Variants in CPNE4 observed in about 807,000 individuals in gnomAD.
The protein encoded by CPNE4 is copine-4.
In CPNE4, 25 loss-of-function variants were observed where a neutral mutation model predicts 67.9. The ratio of observed to expected loss-of-function variants is 0.37; its 90% confidence interval spans 0.27 to 0.51. CPNE4 has a LOEUF of 0.51. Ranked by LOEUF, CPNE4 falls within the 20% of genes least tolerant of loss-of-function variation. CPNE4 has a pLI of 0.93. For synonymous variants in CPNE4, 242 were observed against 244.9 expected (o/e 0.99, Z 0.11); for missense variants, 464 against 690.8 (o/e 0.67, Z 3.68).
At chr3:131,930,878 G>A (rs1231429923) in intron 1 of CPNE4, among the ~76,000 whole-genome samples, 1 of 152,048 alleles carries the variant, frequency 6.6e-6, no homozygotes, top group Non-Finnish European at 1.5e-5. Context: ...TTCAGAAACA[G>A]GTACTTTCAA....
In CPNE4 at chr3:131,534,160, C is replaced by A. The variant is rs370779650; in HGVS notation, c.*1035G>T. 1.3e-5 allele frequency: 2 copies of A among 152,186 alleles called. No individual in the cohort carries two copies. Among genetic ancestry groups the A allele is most frequent in the Admixed American group, 6.5e-5 (1 of 15,268 alleles). The allele number at this position is 152,186 out of a possible 1,614,324, so 9.4% of individuals were successfully genotyped here. ...ATCACTTCTAGGGATTGACACCATC[C>A]ATGCAGTGGTGTGTGATGCCACTTT... On this transcript the variant is annotated 3_prime_UTR_variant, in exon 16 of 16. Coordinates refer to ENST00000429747, the MANE Select transcript of CPNE4 (RefSeq NM_130808.3).
At chr3:131,746,608 C>CT (rs1173725968) in intron 2 of CPNE4, among the ~76,000 whole-genome samples, 1 of 152,074 alleles carries the variant, frequency 6.6e-6, no homozygotes, top group Non-Finnish European at 1.5e-5. Flanking sequence ...GAAATTCATT[C>CT]TTTTTATGGC....
intron 15 of CPNE4, among the ~76,000 whole-genome samples, chr3:131,538,180 T>G (rs1935272784): frequency 6.6e-6 from 1 of 152,272 alleles, no homozygotes; most frequent in Non-Finnish European, 1.5e-5. Flanking sequence ...GATCTTCCTC[T>G]GATGATGGTA....
intron 3 of CPNE4, among the ~76,000 whole-genome samples, chr3:131,709,452 A>G (rs1402237370): frequency 6.6e-6 from 1 of 152,174 alleles, no homozygotes; most frequent in Admixed American, 6.5e-5. Context: ...AATCATTTAA[A>G]TGCCCTATCC....
chr3:131,851,005 A>T (rs2086218744), intron 2 of CPNE4, among the ~76,000 whole-genome samples: 1 of 152,134 alleles, frequency 6.6e-6, no homozygotes, highest in Admixed American at 6.6e-5. Context: ...GTACAAGACA[A>T]CATAAGAACC....
intron 7 of CPNE4, among the ~76,000 whole-genome samples, chr3:131,596,178 T>C (rs951349909): frequency 2.1e-5 from 3 of 142,146 alleles, no homozygotes; most frequent in Non-Finnish European, 4.6e-5. Context: ...ATAAGTAAAT[T>C]GATGCAAGGA....
chr3:131,808,267 T>C (rs2084394291), intron 2 of CPNE4, among the ~76,000 whole-genome samples: 1 of 152,200 alleles, frequency 6.6e-6, no homozygotes. Context: ...TTAACAGAAT[T>C]AGACTGAAAA....
chr3:131,685,804 G>T, intron 6 of CPNE4, 71 bp downstream of exon 6: 1 of 1,006,978 alleles, frequency 9.9e-7, no homozygotes, highest in South Asian at 1.5e-5. Context: ...ACACAAAAAG[G>T]AGTTTCTCAA....
intron 1 of CPNE4, among the ~76,000 whole-genome samples, chr3:131,906,270 T>C (rs2088755273): frequency 2.0e-5 from 3 of 152,110 alleles, no homozygotes; most frequent in Non-Finnish European, 4.4e-5. Context: ...ATTATTATTA[T>C]ACTTTAAGTT....
intron 1 of CPNE4, among the ~76,000 whole-genome samples, chr3:131,958,288 C>T (rs1369927290): frequency 6.6e-6 from 1 of 152,172 alleles, no homozygotes; most frequent in African/African-American, 2.4e-5. Flanking sequence ...CTTAGTGGAG[C>T]CAGTGTTTGA....
intron 1 of CPNE4, among the ~76,000 whole-genome samples, chr3:132,002,419 T>A (rs2073479207): frequency 6.6e-6 from 1 of 152,138 alleles, no homozygotes; most frequent in South Asian, 2.1e-4. Context: ...GGCAGTGAAG[T>A]TCCAGAGGAT....
At chr3:131,679,082 T>C (rs1038753387) in intron 6 of CPNE4, among the ~76,000 whole-genome samples, 2 of 152,210 alleles carry the variant, frequency 1.3e-5, no homozygotes, top group Non-Finnish European at 2.9e-5. Context: ...TGGTAGGCTA[T>C]TTATTACTGC....
intron 7 of CPNE4, among the ~76,000 whole-genome samples, chr3:131,623,085 T>C (rs978967772): frequency 4.6e-5 from 7 of 152,150 alleles, no homozygotes; most frequent in East Asian, 1.9e-4. Flanking sequence ...AGGTATTTAA[T>C]TGGAGACTAC....
At chr3:131,735,557 A>G (rs2082215202) in intron 2 of CPNE4, among the ~76,000 whole-genome samples, 1 of 152,202 alleles carries the variant, frequency 6.6e-6, no homozygotes, top group African/African-American at 2.4e-5. Flanking sequence ...GTTTTCTAAT[A>G]TTTTCCAAAC....
intron 1 of CPNE4, among the ~76,000 whole-genome samples, chr3:131,954,738 A>G (rs1236309458): frequency 6.6e-6 from 1 of 152,162 alleles, no homozygotes; most frequent in Non-Finnish European, 1.5e-5. Flanking sequence ...GGGTGAGAAC[A>G]TGCGGTGTTT....
chr3:131,698,253 A>AAAAAAAAAAT (rs869246238), intron 4 of CPNE4, among the ~76,000 whole-genome samples: 1 of 110,440 alleles, frequency 9.1e-6, no homozygotes, highest in Non-Finnish European at 1.9e-5. Flanking sequence ...AAAAAAAAAA[A>AAAAAAAAAAT]GAAAGAAAAG....
chr3:131,604,219 A>C (rs1352045823), intron 7 of CPNE4, among the ~76,000 whole-genome samples: 1 of 152,174 alleles, frequency 6.6e-6, no homozygotes, highest in African/African-American at 2.4e-5. Flanking sequence ...TATAGCTCTA[A>C]CTCCAACAGA....
chr3:132,000,476 G>A (rs868441885), intron 1 of CPNE4, among the ~76,000 whole-genome samples: 10 of 150,970 alleles, frequency 6.6e-5, no homozygotes, highest in African/African-American at 1.2e-4. Context: ...AGTAACAGTC[G>A]ATAAACAATA....
intron 7 of CPNE4, among the ~76,000 whole-genome samples, chr3:131,646,773 G>A (rs2079677510): frequency 6.6e-6 from 1 of 152,208 alleles, no homozygotes; most frequent in African/African-American, 2.4e-5. Context: ...AATCAAATGA[G>A]CTGGTTGAAG....
Sources: gnomAD v4.1 joint callset for allele counts (sites outside exome capture counted in the v4.1 genomes callset) on GRCh38, gnomAD v4.1.1 for gene constraint, MANE v1.5 for transcripts, NCBI Gene and HGNC (gene_info 2026-07-23, HGNC 2026-07-21) for gene names.